RASGEF1A: variants seen among roughly 807,000 people sequenced by gnomAD.
RASGEF1A encodes ras-GEF domain-containing family member 1A.
A neutral mutation model predicts 56.4 loss-of-function variants in RASGEF1A; 18 were observed. The ratio of observed to expected loss-of-function variants is 0.32; its 90% confidence interval spans 0.22 to 0.47. RASGEF1A has a LOEUF of 0.47. RASGEF1A is among the 20% of genes least tolerant of loss of function. RASGEF1A has a pLI of 1.00. For missense variants in RASGEF1A, 422 were observed against 627.1 expected (o/e 0.67, Z 3.49); for synonymous variants, 245 against 242.6 (o/e 1.01, Z -0.09).
At chr10:43,236,072 G>A (rs1840427458) in intron 1 of RASGEF1A, among the ~76,000 whole-genome samples, 4 of 152,206 alleles carry the variant, frequency 2.6e-5, no homozygotes, top group South Asian at 4.1e-4. Context: ...GACCCAGCCA[G>A]AAGCAAACTA....
chr10:43,246,038 C>A (rs1434579005), intron 1 of RASGEF1A, among the ~76,000 whole-genome samples: 1 of 152,096 alleles, frequency 6.6e-6, no homozygotes, highest in South Asian at 2.1e-4. Flanking sequence ...CAGACACACA[C>A]ACTATTAGAA....
At chr10:43,246,108 A>G (rs1265387570) in intron 1 of RASGEF1A, among the ~76,000 whole-genome samples, 4 of 152,230 alleles carry the variant, frequency 2.6e-5, no homozygotes, top group Admixed American at 6.5e-5. Context: ...AATCAATTGT[A>G]ATTCTATATG....
intron 1 of RASGEF1A, among the ~76,000 whole-genome samples, chr10:43,239,430 C>T (rs1471090223): frequency 6.6e-6 from 1 of 152,082 alleles, no homozygotes; most frequent in Non-Finnish European, 1.5e-5. Flanking sequence ...TCCATAAACG[C>T]AACAAGAAAA....
intron 1 of RASGEF1A, among the ~76,000 whole-genome samples, chr10:43,214,029 G>A (rs1840102268): frequency 6.6e-6 from 1 of 152,186 alleles, no homozygotes; most frequent in Non-Finnish European, 1.5e-5. Flanking sequence ...AGCTGGATGC[G>A]CTCCTCGGGA....
intron 1 of RASGEF1A, among the ~76,000 whole-genome samples, chr10:43,240,745 A>T (rs930579725): frequency 3.3e-5 from 5 of 152,198 alleles, no homozygotes; most frequent in African/African-American, 1.2e-4. Context: ...TATCATATGT[A>T]TAAGAAGAGT....
At position 43,196,102 on chromosome 10, in the gene RASGEF1A, A is replaced by T. The variant is rs1374328236; in HGVS notation, c.*142T>A. ...GTAAGTGCCAAAGGTTGATGCGTGA[A>T]ATAATTACCATTTTTTTCTCATAAA... On this transcript the variant is annotated 3_prime_UTR_variant, in exon 13 of 13. Transcript: ENST00000395810. This position sits in a 1 kb window ranked among gnomAD's most constrained non-coding sequence, Gnocchi z 4.6. The T allele has an allele frequency of 1.3e-6, 1 of 785,866 alleles. No individual in the cohort carries two copies. The highest frequency in any genetic ancestry group is 2.0e-6 in the Non-Finnish European group (1 of 495,302). 48.7% of individuals were successfully genotyped at this position (785,866 alleles called of 1,614,324 possible).
chr10:43,229,733 A>G, intron 1 of RASGEF1A: 1 of 1,391,460 alleles, frequency 7.2e-7, no homozygotes, highest in South Asian at 1.5e-5. Context: ...CGAGCCAAGC[A>G]AGCACCCACT....
At chr10:43,205,530 C>T (rs918833278) in intron 2 of RASGEF1A, among the ~76,000 whole-genome samples, 3 of 152,178 alleles carry the variant, frequency 2.0e-5, no homozygotes, top group African/African-American at 7.2e-5. Flanking sequence ...GGCTCCAGGA[C>T]CTCGGCTGGG....
intron 1 of RASGEF1A, chr10:43,229,843 G>A (rs1840338555): frequency 2.4e-6 from 2 of 834,494 alleles, no homozygotes; most frequent in South Asian, 8.0e-5. Flanking sequence ...GTCCGGGCGG[G>A]GCAGAGGGGC....
chr10:43,243,188 C>T (rs553199878), intron 1 of RASGEF1A, among the ~76,000 whole-genome samples: 3 of 147,026 alleles, frequency 2.0e-5, no homozygotes, highest in African/African-American at 5.1e-5. Context: ...TGGCCGCCCC[C>T]GTCTGGGAAG....
intron 1 of RASGEF1A, among the ~76,000 whole-genome samples, chr10:43,229,110 G>C (rs1173737447): frequency 6.6e-6 from 1 of 152,150 alleles, no homozygotes; most frequent in Non-Finnish European, 1.5e-5. Flanking sequence ...CCTCGCCCTG[G>C]AGCGCACACT....
At chr10:43,229,281 G>T (rs1287471207) in intron 1 of RASGEF1A, among the ~76,000 whole-genome samples, 2 of 152,082 alleles carry the variant, frequency 1.3e-5, no homozygotes, top group Admixed American at 6.5e-5. Context: ...ACCACACACC[G>T]CGGACCACCC....
intron 1 of RASGEF1A, chr10:43,207,634 C>G (rs1167314269): frequency 1.0e-6 from 1 of 985,536 alleles, no homozygotes; most frequent in East Asian, 1.1e-4. Flanking sequence ...GTGCTGCCCC[C>G]ACTCCAGGAC....
In RASGEF1A at chr10:43,217,029, C is replaced by T. The variant is rs146733435; in HGVS notation, c.-6-10907G>A. ...TCTCAGACCAGTAAAAAGAGCCCTCCGGGATCCCACCTGCACTGAGAGGCA... is the reference window on the plus strand; with the variant it reads ...TCTCAGACCAGTAAAAAGAGCCCTCTGGGATCCCACCTGCACTGAGAGGCA... On this transcript the variant is annotated intron_variant, in intron 1 of 12. Coordinates refer to ENST00000395810, the MANE Select transcript of RASGEF1A (RefSeq NM_145313.4). 6.7e-4 allele frequency among the ~76,000 whole-genome samples: 102 copies of T among 152,272 alleles called. 1 individual carries two copies. Among genetic ancestry groups the T allele is most frequent in the Non-Finnish European group, 9.7e-4 (66 of 68,012 alleles).
intron 1 of RASGEF1A, among the ~76,000 whole-genome samples, chr10:43,244,402 A>AAT (rs1840547051): frequency 3.1e-4 from 1 of 3,270 alleles, no homozygotes; most frequent in Admixed American, 9.1e-3. Flanking sequence ...AAATAAAAAA[A>AAT]TTAAAAAAAA....
At chr10:43,234,887 T>G (rs1001771505) in intron 1 of RASGEF1A, among the ~76,000 whole-genome samples, 3 of 152,168 alleles carry the variant, frequency 2.0e-5, no homozygotes, top group African/African-American at 7.2e-5. Flanking sequence ...TCTGCCAGAC[T>G]CAAGCCTCCT....
chr10:43,238,377 G>A (rs1478423061), intron 1 of RASGEF1A, among the ~76,000 whole-genome samples: 3 of 152,214 alleles, frequency 2.0e-5, no homozygotes, highest in African/African-American at 7.2e-5. Context: ...AGATTGTCTG[G>A]TTTCCTACCC....
chr10:43,208,646 TCCTG>T, intron 1 of RASGEF1A: 7 of 985,574 alleles, frequency 7.1e-6, no homozygotes, highest in Non-Finnish European at 8.4e-6. Flanking sequence ...GTTCCTTCTG[TCCTG>T]CCTACCTGGA....
chr10:43,196,386 C>G lies in RASGEF1A; in HGVS notation c.1421+90G>C, dbSNP rs1564526762. 2 of 1,555,428 alleles carry G rather than the reference C, an allele frequency of 1.3e-6. No individual in the cohort carries two copies. Among genetic ancestry groups the G allele is most frequent in the African/African-American group, 2.7e-5 (2 of 73,622 alleles). ...CCCTGGACCAGGGACGCGGCAGTGC[C>G]CAGGCTCCCTTTCCAGGAGGGTAAC... On this transcript the variant is annotated intron_variant, in intron 12 of 12. Transcript: ENST00000395810. This position sits in a 1 kb window ranked among gnomAD's most constrained non-coding sequence, Gnocchi z 4.6.
Sources: allele counts gnomAD v4.1 joint callset (sites outside exome capture counted in the v4.1 genomes callset), GRCh38; gene constraint gnomAD v4.1.1; non-coding constraint Gnocchi (gnomAD v3.1); transcripts MANE v1.5; gene names NCBI Gene and HGNC (gene_info 2026-07-23, HGNC 2026-07-21).